DRD2: variants seen among roughly 807,000 people sequenced by gnomAD.
DRD2 encodes dopamine receptor D2.
A neutral mutation model predicts 38.0 loss-of-function variants in DRD2; 8 were observed. The ratio of observed to expected loss-of-function variants is 0.21; its 90% CI spans 0.12 to 0.38. The LOEUF (loss-of-function observed/expected upper bound fraction) is 0.38. DRD2 is among the 10% of genes least tolerant of loss of function. DRD2 has a pLI of 1.00. For missense variants in DRD2, 403 were observed against 607.7 expected, an observed-to-expected ratio of 0.66 and a Z score of 3.54; for synonymous variants, 230 against 238.6, an observed-to-expected ratio of 0.96 and a Z score of 0.33.
chr11:113,414,252 G>A (rs934511401), intron 6 of DRD2, 123 bp downstream of exon 6: 5 of 904,688 alleles, frequency 5.5e-6, no homozygotes, highest in Non-Finnish European at 9.4e-6. Flanking sequence ...TTCAGCTGAG[G>A]CAAGGTGGGG....
intron 2 of DRD2, among the ~76,000 whole-genome samples, chr11:113,423,081 G>C (rs924605918): frequency 3.9e-5 from 6 of 152,070 alleles, no homozygotes; most frequent in African/African-American, 1.4e-4. Context: ...GCTGGGCAGA[G>C]AAAGGGGCAG....
chr11:113,458,218 A>G (rs1331895328), intron 1 of DRD2, among the ~76,000 whole-genome samples: 1 of 152,232 alleles, frequency 6.6e-6, no homozygotes, highest in Non-Finnish European at 1.5e-5. Context: ...TGTAACACAC[A>G]GTGTATGGGC....
intron 5 of DRD2, 125 bp downstream of exon 5, chr11:113,415,296 G>A (rs1044689260): frequency 8.0e-5 from 101 of 1,262,818 alleles, no homozygotes; most frequent in Non-Finnish European, 1.1e-4. Flanking sequence ...CGGCTCCTGG[G>A]AATTCCTTTA....
At chr11:113,411,970 A>C (rs529030280) in intron 7 of DRD2, 5 of 153,742 alleles carry the variant, frequency 3.3e-5, no homozygotes, top group African/African-American at 1.2e-4. Context: ...ATGGACAGGG[A>C]TGCTTTTCAT....
intron 1 of DRD2, among the ~76,000 whole-genome samples, chr11:113,452,469 T>TGTGTGTGCGCGCGC (rs1210531875): frequency 2.5e-5 from 3 of 118,784 alleles, no homozygotes; most frequent in African/African-American, 7.2e-5. Flanking sequence ...TGTGTGTGTG[T>TGTGTGTGCGCGCGC]GCGCGCGCGC....
chr11:113,446,045 G>T (rs1951145221), intron 1 of DRD2, among the ~76,000 whole-genome samples: 1 of 152,214 alleles, frequency 6.6e-6, no homozygotes, highest in African/African-American at 2.4e-5. Context: ...TTTTCTCTGT[G>T]TCTGACCTGC....
At position 113,410,652 on chromosome 11, in the gene DRD2, C is replaced by T. The variant is rs200266844; in HGVS notation, c.*75G>A. On this transcript the variant is annotated 3_prime_UTR_variant, in exon 8 of 8. Transcript: ENST00000362072. ...CGATCCACCCAGGCCTTCCTGCTCA[C>T]GGTTCGCAAGGGTGAGGCTGGCCGG... 66 of 1,588,012 alleles carry T rather than the reference C, an allele frequency of 4.2e-5. No homozygotes were observed. Among genetic ancestry groups the T allele is most frequent in the Non-Finnish European group, 5.3e-5 (61 of 1,158,234 alleles).
rs1951226645 is a variant in DRD2 at position 113,452,531 on chromosome 11, C to G, written c.-32+22545G>C. Among the ~76,000 whole-genome samples the G allele has an allele frequency of 3.3e-5, 5 of 150,990 alleles. No individual in the cohort carries two copies. The South Asian group carries it at 1.0e-3, about 32-fold the overall frequency. On this transcript the variant is annotated intron_variant, in intron 1 of 7. Coordinates refer to ENST00000362072, the MANE Select transcript of DRD2 (RefSeq NM_000795.4). ...TGAGACACTGCTGATTCAGATCCAC[C>G]CTCACCTCCCCAGGGTCCTACTCAA...
chr11:113,442,540 TC>T (rs1448315859), intron 1 of DRD2, among the ~76,000 whole-genome samples: 2 of 152,002 alleles, frequency 1.3e-5, no homozygotes, highest in Admixed American at 6.6e-5. Context: ...TTTTCTCACC[TC>T]CCCAGCCCTG....
At chr11:113,420,547 C>G (rs1326901639) in intron 2 of DRD2, among the ~76,000 whole-genome samples, 1 of 152,208 alleles carries the variant, frequency 6.6e-6, no homozygotes, top group African/African-American at 2.4e-5. Context: ...GAAGGGCTTG[C>G]TTATCCCACT....
intron 1 of DRD2, among the ~76,000 whole-genome samples, chr11:113,469,598 C>T (rs1470984005): frequency 1.3e-5 from 2 of 152,156 alleles, no homozygotes; most frequent in Admixed American, 6.5e-5. Flanking sequence ...ATAAGGGTTA[C>T]TCTGAGGCAG....
chr11:113,418,993 C>T (rs1950855095), intron 2 of DRD2, among the ~76,000 whole-genome samples: 1 of 152,240 alleles, frequency 6.6e-6, no homozygotes. Flanking sequence ...TGTGTTATCA[C>T]TCAGCCATAC....
intron 1 of DRD2, among the ~76,000 whole-genome samples, chr11:113,454,759 T>C (rs914171848): frequency 7.9e-5 from 12 of 152,178 alleles, no homozygotes; most frequent in Non-Finnish European, 1.8e-4. Flanking sequence ...CCACATACAA[T>C]GGGATATTAT....
At chr11:113,436,119 C>T (rs1045056144) in intron 1 of DRD2, among the ~76,000 whole-genome samples, 1 of 152,062 alleles carries the variant, frequency 6.6e-6, no homozygotes, top group Admixed American at 6.6e-5. Flanking sequence ...TTGGCAAAGG[C>T]GATGGGAGGC....
chr11:113,429,790 A>T (rs559141178), intron 1 of DRD2, among the ~76,000 whole-genome samples: 86 of 152,334 alleles, frequency 5.6e-4, no homozygotes, highest in African/African-American at 2.0e-3. Context: ...TTCAAGTCCC[A>T]ACTCTACCAT....
At chr11:113,458,083 A>C (rs1189178334) in intron 1 of DRD2, among the ~76,000 whole-genome samples, 3 of 152,268 alleles carry the variant, frequency 2.0e-5, no homozygotes, top group Non-Finnish European at 4.4e-5. Context: ...TTGGGCTCCC[A>C]GCTAGCTGGT....
chr11:113,472,958 A>G (rs1401908521), intron 1 of DRD2, among the ~76,000 whole-genome samples: 2 of 152,224 alleles, frequency 1.3e-5, no homozygotes, highest in African/African-American at 4.8e-5. Flanking sequence ...AATTTCAGCA[A>G]AGATTTAATC....
chr11:113,469,768 A>G (rs1951404895), intron 1 of DRD2, among the ~76,000 whole-genome samples: 1 of 152,190 alleles, frequency 6.6e-6, no homozygotes, highest in Admixed American at 6.5e-5. Context: ...TGAGCCCAGG[A>G]GTTCAAGGCT....
chr11:113,411,278 C>T (rs1388766545), intron 7 of DRD2, among the ~76,000 whole-genome samples: 1 of 152,190 alleles, frequency 6.6e-6, no homozygotes, highest in Non-Finnish European at 1.5e-5. Flanking sequence ...ACCCATGCCA[C>T]TTAGTTCTTA....
Sources: gnomAD v4.1 joint callset for allele counts (sites outside exome capture counted in the v4.1 genomes callset) on GRCh38, gnomAD v4.1.1 for gene constraint, MANE v1.5 for transcripts, NCBI Gene and HGNC (gene_info 2026-07-23, HGNC 2026-07-21) for gene names.